The following NCOA7 variants were observed in gnomAD, a reference collection of about 807,000 sequenced individuals.
The protein encoded by NCOA7 is nuclear receptor coactivator 7.
In NCOA7, 45 loss-of-function variants were observed where a neutral mutation model predicts 104.3. The observed-to-expected ratio is 0.43, with a 90% CI of 0.34 to 0.55. The LOEUF (loss-of-function observed/expected upper bound fraction) is 0.55. NCOA7 is among the 20% of genes least tolerant of loss of function. NCOA7 has a pLI of 0.02. For synonymous variants in NCOA7, 398 were observed against 402.3 expected (o/e 0.99, Z 0.13); for missense variants, 1,041 against 1,119.7 (o/e 0.93, Z 1.00).
At chr6:125,798,454 G>A (rs892630598) in intron 1 of NCOA7, among the ~76,000 whole-genome samples, 2 of 152,212 alleles carry the variant, frequency 1.3e-5, no homozygotes, top group Admixed American at 6.5e-5. Flanking sequence ...CTGGCACAGA[G>A]TAAGCAACTA....
intron 10 of NCOA7, among the ~76,000 whole-genome samples, chr6:125,908,776 C>T (rs1308659496): frequency 6.6e-6 from 1 of 152,130 alleles, no homozygotes; most frequent in East Asian, 1.9e-4. Context: ...TAATCATGTC[C>T]CTGAGCAACT....
chr6:125,888,922 C>A lies in NCOA7; in HGVS notation c.885-17C>A. 1 of 1,555,744 alleles carries A rather than the reference C, an allele frequency of 6.4e-7. No homozygotes were observed. The highest frequency in any genetic ancestry group is 8.7e-7 in the Non-Finnish European group (1 of 1,150,906). On this transcript the variant is annotated splice_polypyrimidine_tract_variant and intron_variant, in intron 8 of 15. Transcript: ENST00000392477. ...TTTTTAACATTCCATGTGCACCCAC[C>A]ATTTCTCCCCCAACAGTGACCTACC...
chr6:125,821,640 T>G (rs188391364), intron 2 of NCOA7, among the ~76,000 whole-genome samples: 7 of 152,168 alleles, frequency 4.6e-5, no homozygotes, highest in African/African-American at 1.7e-4. Context: ...CATCCCATAA[T>G]CCATGTCTTA....
At chr6:125,888,396 C>T (rs1402222985) in intron 8 of NCOA7, among the ~76,000 whole-genome samples, 3 of 152,170 alleles carry the variant, frequency 2.0e-5, no homozygotes, top group Non-Finnish European at 4.4e-5. Flanking sequence ...AGCATCAGAT[C>T]CTAAGCCATG....
At chr6:125,828,052 C>T (rs1432381258) in intron 2 of NCOA7, among the ~76,000 whole-genome samples, 2 of 152,196 alleles carry the variant, frequency 1.3e-5, no homozygotes, top group African/African-American at 2.4e-5. Flanking sequence ...GGATTGAAAA[C>T]AGGTTCTGGA....
chr6:125,867,721 T>C (rs1445091599), intron 3 of NCOA7, among the ~76,000 whole-genome samples: 1 of 152,230 alleles, frequency 6.6e-6, no homozygotes, highest in Admixed American at 6.5e-5. Context: ...TGTAATTTAG[T>C]GCATACCACT....
intron 10 of NCOA7, chr6:125,899,975 A>C (rs1785355757): frequency 1.9e-6 from 1 of 532,568 alleles, no homozygotes; most frequent in Non-Finnish European, 3.9e-6. Flanking sequence ...GTCCATTTCC[A>C]CTGCAGACTA....
At chr6:125,903,120 C>T (rs187146960) in intron 10 of NCOA7, among the ~76,000 whole-genome samples, 26 of 152,240 alleles carry the variant, frequency 1.7e-4, no homozygotes, top group Non-Finnish European at 2.8e-4. Context: ...TATGGTGTCT[C>T]CTTTGGGATA....
chr6:125,794,739 T>C (rs1411881513), intron 1 of NCOA7, among the ~76,000 whole-genome samples: 1 of 152,254 alleles, frequency 6.6e-6, no homozygotes, highest in Non-Finnish European at 1.5e-5. Flanking sequence ...TACAAAACTT[T>C]TTTTTAAACT....
intron 3 of NCOA7, among the ~76,000 whole-genome samples, chr6:125,872,268 T>C (rs1782991441): frequency 1.3e-5 from 2 of 152,236 alleles, no homozygotes. Flanking sequence ...ATTTTTCTTT[T>C]GTAGCTGTGC....
At chr6:125,848,829 A>G (rs1202331323) in intron 2 of NCOA7, among the ~76,000 whole-genome samples, 1 of 152,154 alleles carries the variant, frequency 6.6e-6, no homozygotes, top group African/African-American at 2.4e-5. Context: ...GTGGCTAATA[A>G]ACTTTATTTT....
chr6:125,900,002 G>A (rs1442017392), intron 10 of NCOA7: 4 of 533,318 alleles, frequency 7.5e-6, no homozygotes, highest in Non-Finnish European at 1.5e-5. Flanking sequence ...GCCAATGGGT[G>A]CTGCACACAG....
intron 7 of NCOA7, among the ~76,000 whole-genome samples, chr6:125,882,856 G>C (rs1315227981): frequency 6.6e-6 from 1 of 152,136 alleles, no homozygotes; most frequent in Non-Finnish European, 1.5e-5. Context: ...ACTGGAGTCA[G>C]ACTCACTGAA....
chr6:125,810,432 A>G (rs1182003206), intron 1 of NCOA7: 1 of 152,230 alleles, frequency 6.6e-6, no homozygotes, highest in Admixed American at 6.5e-5. Context: ...ATTGCAAAAA[A>G]AAATATTTAG....
In NCOA7 at chr6:125,922,773, A is replaced by T. The variant is rs761022788; in HGVS notation, c.2462A>T (p.Tyr821Phe). ...CACGGGACCAGCTTAAAGACGCTCT[A>T]CCGGAAATCGGCATCACTAGACAGT... ...LEHGTSLKTL[Y>F]RKSASLDSPV... The change falls in exon 13 of 16, where the codon TAC becomes TTC. Residue 821 changes from tyrosine (Y) to phenylalanine (F), a missense_variant. Tyr to Phe is a conservative substitution (Grantham distance 22, BLOSUM62 3). Transcript: ENST00000392477. 4.8e-5 allele frequency: 78 copies of T among 1,613,990 alleles called. No individual in the cohort carries two copies. The highest frequency in any genetic ancestry group is 6.2e-5 in the Non-Finnish European group (73 of 1,180,022).
At chr6:125,793,431 A>G (rs967074948) in intron 1 of NCOA7, among the ~76,000 whole-genome samples, 1 of 152,190 alleles carries the variant, frequency 6.6e-6, no homozygotes, top group Admixed American at 6.5e-5. Flanking sequence ...TTGGCTTTGG[A>G]ATCACAGTCA....
At chr6:125,904,584 G>A (rs1256146158) in intron 10 of NCOA7, among the ~76,000 whole-genome samples, 3 of 152,104 alleles carry the variant, frequency 2.0e-5, no homozygotes, top group East Asian at 1.9e-4. Flanking sequence ...TCAACACCCA[G>A]TTTAACCATG....
At chr6:125,883,599 C>CT (rs1441085601) in intron 7 of NCOA7, among the ~76,000 whole-genome samples, 2 of 151,894 alleles carry the variant, frequency 1.3e-5, no homozygotes, top group African/African-American at 4.8e-5. Flanking sequence ...TACTTTCTGT[C>CT]TTTCTGTATT....
intron 14 of NCOA7, 75 bp from the exon 15 acceptor site, chr6:125,928,099 T>G: frequency 7.5e-7 from 1 of 1,337,376 alleles, no homozygotes; most frequent in South Asian, 1.2e-5. Context: ...TACATATAGA[T>G]ACTATTTCAT....
Sources: gnomAD v4.1 joint callset for allele counts (sites outside exome capture counted in the v4.1 genomes callset) on GRCh38, gnomAD v4.1.1 for gene constraint, MANE v1.5 for transcripts, NCBI Gene and HGNC (gene_info 2026-07-23, HGNC 2026-07-21) for gene names.